The following DIP2C variants were observed in gnomAD, a reference collection of about 807,000 sequenced individuals.
DIP2C encodes the protein disco-interacting protein 2 homolog C.
A neutral mutation model predicts 192.4 loss-of-function variants in DIP2C; 33 were observed. That is an observed-to-expected ratio of 0.17 (90% CI 0.13 to 0.23). DIP2C has a LOEUF of 0.23. Among genes scored for constraint, DIP2C ranks in the 10% least tolerant of loss-of-function variants. DIP2C has a pLI of 1.00. For missense variants in DIP2C, 1,537 were observed against 2,110.1 expected (o/e 0.73, Z 5.32); for synonymous variants, 979 against 864.1 (o/e 1.13, Z -2.33).
chr10:550,024 T>TTC (rs1202266815), intron 1 of DIP2C, among the ~76,000 whole-genome samples: 15 of 148,554 alleles, frequency 1.0e-4, no homozygotes, highest in Admixed American at 3.4e-4. Context: ...TTTTTTTTTT[T>TTC]CTCTTAAGAC....
chr10:367,165 C>T lies in DIP2C; in HGVS notation c.2132-754G>A, dbSNP rs557964978. ...GGACGCGGTGGCTCACGCCTGTAATCCCAGTACTTTGGGAGGCCGAGGCGG... is the reference window on the plus strand; with the variant it reads ...GGACGCGGTGGCTCACGCCTGTAATTCCAGTACTTTGGGAGGCCGAGGCGG... On this transcript the variant is annotated intron_variant, in intron 18 of 36. Coordinates refer to ENST00000280886, the MANE Select transcript of DIP2C (RefSeq NM_014974.3). Among the ~76,000 whole-genome samples the T allele has an allele frequency of 7.9e-5, 12 of 152,318 alleles. 1 individual carries two copies. The highest frequency in any genetic ancestry group is 6.2e-4 in the South Asian group (3 of 4,824).
At chr10:304,580 C>T (rs1321192118) in intron 32 of DIP2C, among the ~76,000 whole-genome samples, 1 of 151,990 alleles carries the variant, frequency 6.6e-6, no homozygotes, top group Non-Finnish European at 1.5e-5. Flanking sequence ...CACACTTCCA[C>T]ATATATGCAT....
At chr10:619,263 T>G (rs569630770) in intron 1 of DIP2C, among the ~76,000 whole-genome samples, 101 of 152,264 alleles carry the variant, frequency 6.6e-4, no homozygotes, top group African/African-American at 2.2e-3. Flanking sequence ...ACCCCAAACT[T>G]AGTGCCCCAA....
chr10:671,040 A>T (rs1830607981), intron 1 of DIP2C, among the ~76,000 whole-genome samples: 1 of 152,210 alleles, frequency 6.6e-6, no homozygotes, highest in African/African-American at 2.4e-5. Flanking sequence ...ATCTGCCCCG[A>T]GGCCGCTTCA....
intron 1 of DIP2C, among the ~76,000 whole-genome samples, chr10:491,179 C>T (rs935230468): frequency 2.4e-4 from 37 of 152,320 alleles, no homozygotes; most frequent in African/African-American, 8.4e-4. Context: ...GACACGGACA[C>T]TTGGGAGCCG....
chr10:651,645 T>C lies in DIP2C; in HGVS notation c.85+37849A>G, dbSNP rs1855912287. The C allele has an allele frequency of 2.8e-6, 1 of 352,018 alleles. No individual in the cohort carries two copies. Among genetic ancestry groups the C allele is most frequent in the Non-Finnish European group, 5.5e-6 (1 of 180,914 alleles). The allele number at this position is 352,018 out of a possible 1,614,324, so 21.8% of individuals were successfully genotyped here. On this transcript the variant is annotated intron_variant, in intron 1 of 36. Transcript: ENST00000280886. The surrounding 1 kb of genome is among the most constrained non-coding windows in gnomAD (Gnocchi z 4.1). Reference sequence around the variant, plus strand: ...AGGCTCTGAGGCCAACTTTGAACATTTATTTGAGTGAATTCACGTCCCCCA... The same window carrying C: ...AGGCTCTGAGGCCAACTTTGAACATCTATTTGAGTGAATTCACGTCCCCCA...
chr10:375,038 T>C (rs1018146005), intron 17 of DIP2C, among the ~76,000 whole-genome samples: 20 of 152,120 alleles, frequency 1.3e-4, no homozygotes, highest in African/African-American at 4.6e-4. Flanking sequence ...CTCTTGGAGA[T>C]ATGGAAGGAG....
chr10:346,453 C>G (rs1447566829), intron 26 of DIP2C, among the ~76,000 whole-genome samples: 1 of 89,944 alleles, frequency 1.1e-5, no homozygotes, highest in African/African-American at 5.1e-5. Flanking sequence ...GTCACACACA[C>G]CCAACCCAGA....
chr10:567,864 CGG>C (rs1588476619), intron 1 of DIP2C, among the ~76,000 whole-genome samples: 2 of 151,710 alleles, frequency 1.3e-5, no homozygotes, highest in East Asian at 3.9e-4. Flanking sequence ...TCCTGACCTC[CGG>C]TGATCCACCC....
intron 1 of DIP2C, among the ~76,000 whole-genome samples, chr10:492,705 C>G (rs79950398): frequency 0.016 from 2,420 of 152,278 alleles, 68 homozygotes; most frequent in African/African-American, 0.055. Context: ...TCGGGCCAGG[C>G]AGGTGGACAA....
intron 26 of DIP2C, among the ~76,000 whole-genome samples, chr10:347,810 C>G (rs1958578412): frequency 6.6e-6 from 1 of 150,688 alleles, no homozygotes; most frequent in Non-Finnish European, 1.5e-5. Context: ...CACACTCACC[C>G]AGACACATCG....
At chr10:511,331 C>T (rs1299351791) in intron 1 of DIP2C, among the ~76,000 whole-genome samples, 11 of 152,188 alleles carry the variant, frequency 7.2e-5, no homozygotes, top group Non-Finnish European at 1.6e-4. Flanking sequence ...TGATTTCAGG[C>T]GGCTCAGCCA....
At chr10:422,409 G>A (rs1966255173) in intron 5 of DIP2C, among the ~76,000 whole-genome samples, 1 of 152,132 alleles carries the variant, frequency 6.6e-6, no homozygotes, top group Admixed American at 6.5e-5. Flanking sequence ...CAGTGTGCCG[G>A]CCCCCAAGAA....
chr10:403,851 C>G (rs1964598871), intron 9 of DIP2C, among the ~76,000 whole-genome samples: 1 of 109,174 alleles, frequency 9.2e-6, no homozygotes, highest in Non-Finnish European at 1.9e-5. Flanking sequence ...TGTGATTTTA[C>G]ACGTGTGGTG....
At chr10:348,583 G>A (rs1486297787) in intron 26 of DIP2C, 58 bp downstream of exon 26, 42 of 1,581,528 alleles carry the variant, frequency 2.7e-5, no homozygotes, top group South Asian at 1.4e-4. Context: ...TCTGCGCGTT[G>A]CAAGCTCCAC....
At position 399,205 on chromosome 10, in the gene DIP2C, G is replaced by A; in HGVS notation, c.1164C>T (p.Phe388=). 6.2e-7 allele frequency: 1 copy of A among 1,614,072 alleles called. No individual in the cohort carries two copies. Among genetic ancestry groups the A allele is most frequent in the African/African-American group, 1.3e-5 (1 of 75,046 alleles). ...TGAAGGCAGCCGGATCATTGTTGGG[G>A]AACACCAGTGCCACCTGTGGGACAG... ...VRPGDRVALV[F]PNNDPAAFMA... is the part of the protein sequence containing the mutation. The change falls in exon 10 of 37, where the codon TTC becomes TTT. Residue 388 remains phenylalanine, a synonymous_variant. Transcript: ENST00000280886.
chr10:508,076 A>C (rs1845750108), intron 1 of DIP2C, among the ~76,000 whole-genome samples: 1 of 152,070 alleles, frequency 6.6e-6, no homozygotes, highest in Non-Finnish European at 1.5e-5. Context: ...GCAGCTCCTG[A>C]TGACCCAGCA....
At chr10:612,333 C>A (rs564448904) in intron 1 of DIP2C, among the ~76,000 whole-genome samples, 1 of 151,948 alleles carries the variant, frequency 6.6e-6, no homozygotes, top group South Asian at 2.1e-4. Flanking sequence ...AATTCTTCAC[C>A]GATGTCAAAT....
intron 1 of DIP2C, among the ~76,000 whole-genome samples, chr10:537,785 G>A (rs971573801): frequency 8.1e-5 from 12 of 148,208 alleles, no homozygotes; most frequent in African/African-American, 2.4e-4. Flanking sequence ...GTTATCTTTC[G>A]TCTGCGAATT....
Sources: allele counts gnomAD v4.1 joint callset (sites outside exome capture counted in the v4.1 genomes callset), GRCh38; gene constraint gnomAD v4.1.1; non-coding constraint Gnocchi (gnomAD v3.1); transcripts MANE v1.5; gene names NCBI Gene and HGNC (gene_info 2026-07-23, HGNC 2026-07-21).